SLC25A40: variants seen among roughly 807,000 people sequenced by gnomAD.
The protein encoded by SLC25A40 is mitochondrial glutathione transporter SLC25A40.
Under a neutral mutation model 46.5 loss-of-function variants are expected in SLC25A40, and 41 were observed. That is an observed-to-expected ratio of 0.88 (90% CI 0.69 to 1.14). The LOEUF is 1.14. Ranked by LOEUF, SLC25A40 falls within the 50% of genes most tolerant of loss-of-function variation. The pLI is 0.00. For missense variants in SLC25A40, 386 were observed against 393.6 expected, an observed-to-expected ratio of 0.98 and a Z score of 0.16; for synonymous variants, 126 against 127.5, an observed-to-expected ratio of 0.99 and a Z score of 0.08.
intron 1 of SLC25A40, among the ~76,000 whole-genome samples, chr7:87,867,137 C>T (rs1838815087): frequency 6.6e-6 from 1 of 152,216 alleles, no homozygotes; most frequent in Non-Finnish European, 1.5e-5. Flanking sequence ...CTTCCTATAA[C>T]TGGATAGTTA....
intron 8 of SLC25A40, 45 bp from the exon 9 acceptor site, chr7:87,843,908 T>C (rs761411839): frequency 2.7e-6 from 4 of 1,489,584 alleles, no homozygotes; most frequent in African/African-American, 1.4e-5. Context: ...AGAAATAAAA[T>C]GTGGACTTTA....
At chr7:87,869,921 T>A (rs1838870241) in intron 1 of SLC25A40, among the ~76,000 whole-genome samples, 1 of 152,222 alleles carries the variant, frequency 6.6e-6, no homozygotes, top group South Asian at 2.1e-4. Context: ...CCACCAGCAC[T>A]ATATGCAAGT....
rs748443538 is a variant in SLC25A40 at position 87,858,675 on chromosome 7, T to TCCA, written c.52_53insTGG (p.Gln18delinsLeuGlu). Reference sequence around the variant, plus strand: ...AGCTCCAGTACATGAGGCAAGCATTTGTTGAAGAGGTGTCACTTTGATAAT... The same window carrying TCCA: ...AGCTCCAGTACATGAGGCAAGCATTTCCAGTTGAAGAGGTGTCACTTTGATAAT... On this transcript the variant is annotated protein_altering_variant, in exon 3 of 12. Coordinates refer to ENST00000341119, the MANE Select transcript of SLC25A40 (RefSeq NM_018843.4). 6.2e-7 allele frequency: 1 copy of TCCA among 1,612,826 alleles called. No homozygotes were observed. Among genetic ancestry groups the TCCA allele is most frequent in the African/African-American group, 1.3e-5 (1 of 74,916 alleles).
chr7:87,859,185 T>G (rs1197367017), intron 2 of SLC25A40, among the ~76,000 whole-genome samples: 1 of 152,190 alleles, frequency 6.6e-6, no homozygotes, highest in African/African-American at 2.4e-5. Flanking sequence ...CCAGGCGTGG[T>G]GGCTCACACC....
chr7:87,848,433 CA>C (rs1368722020), intron 6 of SLC25A40, among the ~76,000 whole-genome samples: 1 of 152,028 alleles, frequency 6.6e-6, no homozygotes, highest in East Asian at 1.9e-4. Context: ...AAAAATAAAA[CA>C]AATAGGAAAA....
At position 87,836,741 on chromosome 7, in the gene SLC25A40, C is replaced by A; in HGVS notation, c.893G>T (p.Gly298Val). 1 of 1,535,322 alleles carries A rather than the reference C, an allele frequency of 6.5e-7. No individual in the cohort carries two copies. The highest frequency in any genetic ancestry group is 1.3e-5 in the South Asian group (1 of 79,374). ...KNIVAKNGFS[G>V]LFSGLIPRLI... is the part of the protein sequence containing the mutation. ...GCAAGTATTTTTACCTGAAAATAAT[C>A]CGGAAAATCCATTTTTAGCAACAAT... is the stretch of plus-strand genomic sequence containing the variant. The change falls in exon 11 of 12, where the codon GGA (glycine) becomes GTA (valine). Residue 298 changes from glycine to valine, a missense_variant. Physicochemically the swap from Gly to Val is moderately radical, Grantham distance 109. Coordinates refer to ENST00000341119, the MANE Select transcript of SLC25A40 (RefSeq NM_018843.4).
At chr7:87,842,791 A>G (rs1285103499) in intron 9 of SLC25A40, among the ~76,000 whole-genome samples, 1 of 148,332 alleles carries the variant, frequency 6.7e-6, no homozygotes, top group Non-Finnish European at 1.5e-5. Context: ...TCATTTAAAA[A>G]ATCATTTAAA....
In SLC25A40 at chr7:87,843,859, C is replaced by T; in HGVS notation, c.636G>A (p.Met212Ile). 1 of 1,576,174 alleles carries T rather than the reference C, an allele frequency of 6.3e-7. No individual in the cohort carries two copies. Among genetic ancestry groups the T allele is most frequent in the Non-Finnish European group, 8.7e-7 (1 of 1,153,188 alleles). ...TVLRDVPFSA[M>I]YWYNYEILKK... ...TTAAAATTTCATAGTTATACCAGTACATTGCTATAAAAACAGAGAATGAAA... is the reference window on the plus strand; with the variant it reads ...TTAAAATTTCATAGTTATACCAGTATATTGCTATAAAAACAGAGAATGAAA... Residue 212 changes from methionine to isoleucine, a missense_variant, in exon 9 of 12, where the codon ATG becomes ATA. By Grantham distance (10) the Met-to-Ile change is conservative (BLOSUM62 1). Coordinates refer to ENST00000341119, the MANE Select transcript of SLC25A40 (RefSeq NM_018843.4).
In SLC25A40 at chr7:87,846,912, T is replaced by C. The variant is rs1211506977; in HGVS notation, c.631+37A>G. The C allele has an allele frequency of 4.6e-6, 7 of 1,530,562 alleles. No homozygotes were observed. The East Asian group carries it at 1.4e-4, about 30-fold the overall frequency. 94.8% of individuals were successfully genotyped at this position (1,530,562 alleles called of 1,614,324 possible). The stretch of plus-strand genomic sequence containing the variant: ...GTAATATTTGAATGAGACAAAGCCA[T>C]GTAAAATTTAGTAGCTACAAATAAG... On this transcript the variant is annotated intron_variant, in intron 8 of 11. Transcript: ENST00000341119.
chr7:87,875,083 C>T (rs955856767), intron 1 of SLC25A40, among the ~76,000 whole-genome samples: 7 of 152,202 alleles, frequency 4.6e-5, no homozygotes, highest in Admixed American at 2.0e-4. Context: ...TCAAACTACA[C>T]TTCCTTCCAC....
At chr7:87,850,021 T>C (rs1187770048) in intron 5 of SLC25A40, 73 bp from the exon 6 acceptor site, 7 of 919,162 alleles carry the variant, frequency 7.6e-6, no homozygotes, top group Non-Finnish European at 1.1e-5. Flanking sequence ...ATACTGATGA[T>C]TGGTAATTTC....
chr7:87,867,391 A>G (rs1037921499), intron 1 of SLC25A40, among the ~76,000 whole-genome samples: 52 of 152,192 alleles, frequency 3.4e-4, no homozygotes, highest in Admixed American at 3.1e-3. Flanking sequence ...CACAGTATCT[A>G]ATCAAATTTT....
rs1469787384 is a variant in SLC25A40 at position 87,834,452 on chromosome 7, C to T, written c.*1797G>A. 6.6e-6 allele frequency: 1 copy of T among 151,464 alleles called. No individual in the cohort carries two copies. The highest frequency in any genetic ancestry group is 1.9e-4 in the East Asian group (1 of 5,186). The allele number at this position is 151,464 out of a possible 1,614,324, so 9.4% of individuals were successfully genotyped here. On this transcript the variant is annotated 3_prime_UTR_variant, in exon 12 of 12. Transcript: ENST00000341119. ...GAAAGCTTCAATTCAGCCTTCTATTCATCCAGATACATTGCATGTATATGT... is the reference window on the plus strand; with the variant it reads ...GAAAGCTTCAATTCAGCCTTCTATTTATCCAGATACATTGCATGTATATGT...
chr7:87,842,052 CAAG>C (rs1838344039), intron 9 of SLC25A40: 2 of 375,434 alleles, frequency 5.3e-6, no homozygotes, highest in East Asian at 1.9e-4. Context: ...CTTTACATCA[CAAG>C]AAGATACAAC....
chr7:87,836,893 C>A, intron 10 of SLC25A40, 83 bp from the exon 11 acceptor site: 1 of 755,604 alleles, frequency 1.3e-6, no homozygotes, highest in East Asian at 3.5e-5. Context: ...GTCCATGGCC[C>A]TTGCGGATAT....
At chr7:87,850,071 G>T in intron 5 of SLC25A40, 123 bp from the exon 6 acceptor site, 1 of 612,780 alleles carries the variant, frequency 1.6e-6, no homozygotes, top group Non-Finnish European at 2.7e-6. Flanking sequence ...TAAGCTTTTT[G>T]GATTTATGTA....
chr7:87,840,860 A>G (rs912814411), intron 10 of SLC25A40, among the ~76,000 whole-genome samples: 1 of 151,798 alleles, frequency 6.6e-6, no homozygotes, highest in Non-Finnish European at 1.5e-5. Context: ...TTAACATTAT[A>G]CCTATTTTAC....
intron 3 of SLC25A40, among the ~76,000 whole-genome samples, chr7:87,856,952 TTA>T (rs199885755): frequency 0.028 from 4,249 of 152,296 alleles, 61 homozygotes; most frequent in Middle Eastern, 0.048. Context: ...ATGATGATAA[TTA>T]TATTAGATGA....
At chr7:87,850,470 A>C (rs1458434211) in intron 5 of SLC25A40, among the ~76,000 whole-genome samples, 1 of 152,208 alleles carries the variant, frequency 6.6e-6, no homozygotes, top group Non-Finnish European at 1.5e-5. Context: ...ACAAATGGCC[A>C]ATAAGCACAC....
Sources: gnomAD v4.1 joint callset for allele counts (sites outside exome capture counted in the v4.1 genomes callset) on GRCh38, gnomAD v4.1.1 for gene constraint, MANE v1.5 for transcripts, NCBI Gene and HGNC (gene_info 2026-07-23, HGNC 2026-07-21) for gene names.